LHFPL2: variants seen among roughly 807,000 people sequenced by gnomAD.
LHFPL2 encodes the protein LHFPL tetraspan subfamily member 2 protein.
In LHFPL2, 7 loss-of-function variants were observed where a neutral mutation model predicts 17.5. That is an observed-to-expected ratio of 0.40 (90% CI 0.23 to 0.75). LHFPL2 has a LOEUF of 0.75. Among genes scored for constraint, LHFPL2 ranks in the 30% least tolerant of loss-of-function variants. The pLI is 0.37. For synonymous variants in LHFPL2, 134 were observed against 116.2 expected, an observed-to-expected ratio of 1.15 and a Z score of -0.99; for missense variants, 241 against 294.8, an observed-to-expected ratio of 0.82 and a Z score of 1.34.
intron 4 of LHFPL2, 126 bp from the exon 5 acceptor site, chr5:78,489,279 G>GGGAC (rs1754359210): frequency 9.7e-7 from 1 of 1,034,994 alleles, no homozygotes; most frequent in Non-Finnish European, 1.4e-6. Context: ...AGAAAGTGTT[G>GGGAC]GGACTGTTTC....
At chr5:78,576,697 C>A (rs1457156158) in intron 2 of LHFPL2, among the ~76,000 whole-genome samples, 2 of 152,208 alleles carry the variant, frequency 1.3e-5, no homozygotes, top group African/African-American at 4.8e-5. Flanking sequence ...CTTTTCAATT[C>A]TTTGTCATTC....
chr5:78,579,319 T>G (rs76090766), intron 2 of LHFPL2, among the ~76,000 whole-genome samples: 1,999 of 152,170 alleles, frequency 0.013, 36 homozygotes, highest in African/African-American at 0.04. Flanking sequence ...AGGTTTTTTT[T>G]TTGTTGTTGT....
At chr5:78,534,428 C>T (rs896790043) in intron 3 of LHFPL2, among the ~76,000 whole-genome samples, 5 of 152,230 alleles carry the variant, frequency 3.3e-5, no homozygotes, top group Non-Finnish European at 7.3e-5. Flanking sequence ...CCACAAAGGA[C>T]AGGGCTGTGA....
chr5:78,588,605 A>C (rs1743519224), intron 2 of LHFPL2, among the ~76,000 whole-genome samples: 1 of 152,228 alleles, frequency 6.6e-6, no homozygotes. Context: ...AAGCTCTGTA[A>C]ATAATCTAAG....
intron 2 of LHFPL2, among the ~76,000 whole-genome samples, chr5:78,601,152 T>C (rs1032948333): frequency 2.6e-5 from 4 of 152,108 alleles, no homozygotes; most frequent in Admixed American, 2.0e-4. Context: ...CACAATAAAG[T>C]AGAACAATTC....
At chr5:78,523,815 TA>T (rs1755534660) in intron 3 of LHFPL2, among the ~76,000 whole-genome samples, 1 of 152,024 alleles carries the variant, frequency 6.6e-6, no homozygotes, top group Non-Finnish European at 1.5e-5. Context: ...AACATTTAAT[TA>T]AAAGAAAAAA....
chr5:78,592,229 G>A (rs1362357903), intron 2 of LHFPL2, among the ~76,000 whole-genome samples: 4 of 152,156 alleles, frequency 2.6e-5, no homozygotes, highest in African/African-American at 2.4e-5. Context: ...ACTCAGACAC[G>A]GCAAGGCATT....
chr5:78,583,938 G>A (rs1250824952), intron 2 of LHFPL2, among the ~76,000 whole-genome samples: 1 of 151,764 alleles, frequency 6.6e-6, no homozygotes, highest in African/African-American at 2.4e-5. Flanking sequence ...CGTAGATTTG[G>A]TCTTTTCACA....
At chr5:78,496,610 C>T (rs145708613) in intron 4 of LHFPL2, among the ~76,000 whole-genome samples, 26 of 152,374 alleles carry the variant, frequency 1.7e-4, no homozygotes, top group Non-Finnish European at 3.2e-4. Flanking sequence ...AAGGGCTGCC[C>T]TGCCACTAAG....
intron 2 of LHFPL2, among the ~76,000 whole-genome samples, chr5:78,594,450 T>C (rs1411035719): frequency 6.6e-6 from 1 of 152,220 alleles, no homozygotes; most frequent in African/African-American, 2.4e-5. Flanking sequence ...ACATAATAGA[T>C]AGAAGCTATT....
At chr5:78,615,783 C>A (rs1045531729) in intron 2 of LHFPL2, among the ~76,000 whole-genome samples, 3 of 152,156 alleles carry the variant, frequency 2.0e-5, no homozygotes, top group African/African-American at 7.2e-5. Flanking sequence ...GTATAAATGA[C>A]TAAGAAGGTC....
intron 2 of LHFPL2, among the ~76,000 whole-genome samples, chr5:78,572,210 T>C (rs1350888817): frequency 6.6e-6 from 1 of 151,918 alleles, no homozygotes; most frequent in Non-Finnish European, 1.5e-5. Context: ...ACCTATGAAG[T>C]TTCCTATGAC....
At chr5:78,521,018 T>C (rs1028096473) in intron 3 of LHFPL2, among the ~76,000 whole-genome samples, 1 of 152,242 alleles carries the variant, frequency 6.6e-6, no homozygotes, top group Non-Finnish European at 1.5e-5. Flanking sequence ...TCTTAACCGT[T>C]TTTAAAAGGA....
intron 3 of LHFPL2, among the ~76,000 whole-genome samples, chr5:78,513,521 G>A (rs1248385907): frequency 2.6e-5 from 4 of 152,156 alleles, no homozygotes; most frequent in Admixed American, 1.3e-4. Context: ...GATACGCAAG[G>A]CTGACTAAAA....
rs114303624 is a variant in LHFPL2 at position 78,546,272 on chromosome 5, G to A, written c.-186+18541C>T. On this transcript the variant is annotated intron_variant, in intron 3 of 4. Transcript: ENST00000380345. Reference sequence around the variant, plus strand: ...ACTTTATATGGGGCAATTTTTGAGTGGATTGATCATAAAGCCGCATCTCTG... The same window carrying A: ...ACTTTATATGGGGCAATTTTTGAGTAGATTGATCATAAAGCCGCATCTCTG... Among the ~76,000 whole-genome samples the A allele has an allele frequency of 4.7e-3, 717 of 152,268 alleles. 7 individuals are homozygous for A. The highest frequency in any genetic ancestry group is 0.016 in the African/African-American group (679 of 41,534).
rs939729279 is a variant in LHFPL2, at chr5:78,488,782, C to T, written c.*115G>A. On this transcript the variant is annotated 3_prime_UTR_variant, in exon 5 of 5. Transcript: ENST00000380345. ...TCATTGGTCCTGTTTAAGCCTCGGG[C>T]CGTGGAACGTGGCTTTGGTAGGTAA... The T allele has an allele frequency of 4.1e-6, 5 of 1,219,476 alleles. No individual in the cohort carries two copies. The highest frequency in any genetic ancestry group is 2.7e-4 in the Middle Eastern group (1 of 3,742). 75.5% of individuals were successfully genotyped at this position (1,219,476 alleles called of 1,614,324 possible). A position where few individuals can be genotyped will look rare whatever the true frequency, so the allele number is the denominator to read the frequency against.
chr5:78,515,855 T>G (rs968717525), intron 3 of LHFPL2, among the ~76,000 whole-genome samples: 2 of 152,178 alleles, frequency 1.3e-5, no homozygotes, highest in African/African-American at 4.8e-5. Context: ...GCAGGAGGAA[T>G]GTGGCCTGGC....
intron 3 of LHFPL2, among the ~76,000 whole-genome samples, chr5:78,537,525 G>A (rs913879996): frequency 6.6e-6 from 1 of 152,192 alleles, no homozygotes. Flanking sequence ...CACAGGCAAG[G>A]GACCTGGAGA....
chr5:78,534,669 G>A (rs1403599156), intron 3 of LHFPL2, among the ~76,000 whole-genome samples: 5 of 152,202 alleles, frequency 3.3e-5, no homozygotes, highest in African/African-American at 9.7e-5. Flanking sequence ...GGGAAGCAAT[G>A]GCTTTAGCTT....
Sources: gnomAD v4.1 joint callset for allele counts (sites outside exome capture counted in the v4.1 genomes callset) on GRCh38, gnomAD v4.1.1 for gene constraint, MANE v1.5 for transcripts, NCBI Gene and HGNC (gene_info 2026-07-23, HGNC 2026-07-21) for gene names.